SLC17A8: variants seen among roughly 807,000 people sequenced by gnomAD.
The protein encoded by SLC17A8 is vesicular glutamate transporter 3.
A neutral mutation model predicts 58.0 loss-of-function variants in SLC17A8; 31 were observed. The observed-to-expected ratio is 0.53, with a 90% CI of 0.40 to 0.72. The LOEUF is 0.72. Ranked by LOEUF, SLC17A8 falls within the 30% of genes least tolerant of loss-of-function variation. SLC17A8 has a pLI of 0.00. For synonymous variants in SLC17A8, 228 were observed against 249.0 expected, an observed-to-expected ratio of 0.92 and a Z score of 0.79; for missense variants, 655 against 727.8, an observed-to-expected ratio of 0.90 and a Z score of 1.15.
chr12:100,389,585 A>G (rs2135993617), intron 2 of SLC17A8, among the ~76,000 whole-genome samples: 1 of 151,476 alleles, frequency 6.6e-6, no homozygotes, highest in South Asian at 2.1e-4. Flanking sequence ...ATATATACAC[A>G]CACATTATAT....
intron 2 of SLC17A8, among the ~76,000 whole-genome samples, chr12:100,381,567 A>G (rs1461285405): frequency 8.7e-6 from 1 of 115,268 alleles, no homozygotes; most frequent in Non-Finnish European, 1.7e-5. Flanking sequence ...TAAGAAAGAG[A>G]CAGAGAGAGA....
intron 1 of SLC17A8, among the ~76,000 whole-genome samples, chr12:100,367,284 G>C (rs971924423): frequency 1.3e-5 from 2 of 151,982 alleles, no homozygotes; most frequent in Non-Finnish European, 2.9e-5. Flanking sequence ...TAACAATTAT[G>C]GAATTCTTAT....
At chr12:100,375,755 T>C (rs1952590591) in intron 1 of SLC17A8, among the ~76,000 whole-genome samples, 1 of 152,234 alleles carries the variant, frequency 6.6e-6, no homozygotes, top group Non-Finnish European at 1.5e-5. Context: ...CACTTATTAA[T>C]ATAAAGCACT....
chr12:100,393,226 AG>A, intron 3 of SLC17A8, 142 bp from the exon 4 acceptor site: 1 of 617,778 alleles, frequency 1.6e-6, no homozygotes, highest in African/African-American at 1.8e-5. Context: ...AGCCTCCCAA[AG>A]TGCTGGGATT....
intron 11 of SLC17A8, among the ~76,000 whole-genome samples, chr12:100,418,520 T>C (rs1210969583): frequency 2.0e-5 from 3 of 152,204 alleles, no homozygotes; most frequent in African/African-American, 7.2e-5. Flanking sequence ...TATAGCCTAT[T>C]TCCATCCATT....
intron 2 of SLC17A8, among the ~76,000 whole-genome samples, chr12:100,388,912 T>G (rs1952694799): frequency 6.6e-6 from 1 of 152,208 alleles, no homozygotes; most frequent in Non-Finnish European, 1.5e-5. Flanking sequence ...AGGACATGGC[T>G]GCTATCTTAG....
chr12:100,373,573 G>A (rs1008629848), intron 1 of SLC17A8, among the ~76,000 whole-genome samples: 3 of 139,308 alleles, frequency 2.2e-5, no homozygotes, highest in African/African-American at 8.2e-5. Flanking sequence ...ACACAAATCA[G>A]TGACTTTTTT....
At chr12:100,419,739 G>A (rs1257637546) in intron 11 of SLC17A8, 76 bp from the exon 12 acceptor site, 2 of 1,447,974 alleles carry the variant, frequency 1.4e-6, no homozygotes, top group Non-Finnish European at 1.9e-6. Context: ...CTTTTTCACA[G>A]TGGAGGCCTC....
intron 1 of SLC17A8, among the ~76,000 whole-genome samples, chr12:100,367,941 T>C (rs1952531816): frequency 6.6e-6 from 1 of 152,238 alleles, no homozygotes; most frequent in South Asian, 2.1e-4. Context: ...TACAGAATTA[T>C]ATTTTAAAAG....
At position 100,380,703 on chromosome 12, in the gene SLC17A8, A is replaced by G; in HGVS notation, c.104A>G (p.Lys35Arg). Reference sequence around the variant, plus strand: ...TGCCTATCCTTTTTCCCATGTAGAAAAATCGATGGGACAACTGAGGAAGAA... The same window carrying G: ...TGCCTATCCTTTTTCCCATGTAGAAGAATCGATGGGACAACTGAGGAAGAA... ...VGDSLGILQRKIDGTTEEEDN... is the reference protein window; with the variant it reads ...VGDSLGILQRRIDGTTEEEDN... The change falls in exon 2 of 12, where the codon AAA (lysine) becomes AGA (arginine). Residue 35 changes from lysine (K) to arginine (R), a missense_variant and splice_region_variant. Physicochemically the swap from Lys to Arg is conservative, Grantham distance 26. Coordinates refer to ENST00000323346, the MANE Select transcript of SLC17A8 (RefSeq NM_139319.3). The G allele has an allele frequency of 6.2e-7, 1 of 1,614,054 alleles. No individual in the cohort carries two copies. The highest frequency in any genetic ancestry group is 8.5e-7 in the Non-Finnish European group (1 of 1,180,018).
At chr12:100,417,186 G>A (rs1237960226) in intron 10 of SLC17A8, among the ~76,000 whole-genome samples, 9 of 152,194 alleles carry the variant, frequency 5.9e-5, no homozygotes, top group African/African-American at 1.7e-4. Flanking sequence ...GATTATAGGC[G>A]TGAGCAACCA....
Position 100,420,011 on chromosome 12 carries a change from G to C in SLC17A8, c.1622G>C (p.Ser541Thr). 6.2e-7 allele frequency: 1 copy of C among 1,613,956 alleles called. No individual in the cohort carries two copies. Reference protein sequence around the residue: ...EIELNHESFASPKKKMSYGAT... With the variant: ...EIELNHESFATPKKKMSYGAT... ...GAACTCAACCATGAGAGTTTTGCGA[G>C]TCCCAAAAAGAAGATGTCTTATGGA... is the stretch of plus-strand genomic sequence containing the variant. The change falls in exon 12 of 12, where the codon AGT (serine) becomes ACT (threonine). Residue 541 changes from serine (S) to threonine (T), a missense_variant. Physicochemically the swap from Ser to Thr is moderately conservative, Grantham distance 58 (BLOSUM62 1). Transcript: ENST00000323346.
At chr12:100,404,287 A>C in intron 9 of SLC17A8, 117 bp downstream of exon 9, 1 of 1,339,668 alleles carries the variant, frequency 7.5e-7, no homozygotes, top group Non-Finnish European at 1.1e-6. Flanking sequence ...AAAGACCTCT[A>C]AGTCTGTCCC....
At chr12:100,413,025 G>C (rs1200459913) in intron 10 of SLC17A8, 145 bp downstream of exon 10, 1 of 726,404 alleles carries the variant, frequency 1.4e-6, no homozygotes, top group Non-Finnish European at 2.5e-6. Flanking sequence ...ATGTGATCTA[G>C]TGGGGGTGAT....
intron 10 of SLC17A8, among the ~76,000 whole-genome samples, chr12:100,415,234 G>T (rs768185344): frequency 6.6e-5 from 10 of 151,952 alleles, no homozygotes; most frequent in Admixed American, 2.0e-4. Context: ...GGGAGGCCGA[G>T]GCAGATGGAT....
chr12:100,398,237 T>C (rs1378622916), intron 5 of SLC17A8, among the ~76,000 whole-genome samples: 1 of 152,162 alleles, frequency 6.6e-6, no homozygotes. Context: ...AGCTGAGATG[T>C]CTTTACATAT....
Position 100,366,151 on chromosome 12 carries a change from G to T in SLC17A8, c.101+8659G>T, listed in dbSNP as rs1259382114. Among the ~76,000 whole-genome samples the T allele has an allele frequency of 1.0e-4, 15 of 148,654 alleles. No individual in the cohort carries two copies. In the East Asian group the frequency reaches 1.2e-3, roughly 12 times the overall value. ...CTGCATCCTTTAAATCTCTGAAGGT[G>T]CAATAATCTCTGTCATTCTGCATAA... On this transcript the variant is annotated intron_variant, in intron 1 of 11. Transcript: ENST00000323346.
intron 5 of SLC17A8, among the ~76,000 whole-genome samples, chr12:100,397,805 C>CG (rs1426528277): frequency 6.6e-6 from 1 of 151,926 alleles, no homozygotes; most frequent in East Asian, 1.9e-4. Context: ...TAGCTGGGTG[C>CG]GGTGGCTCAT....
At chr12:100,411,759 G>A (rs1003341351) in intron 9 of SLC17A8, among the ~76,000 whole-genome samples, 2 of 151,088 alleles carry the variant, frequency 1.3e-5, no homozygotes, top group Non-Finnish European at 2.9e-5. Context: ...ATTTTTTATT[G>A]TGCTAGACTC....
Sources: allele counts gnomAD v4.1 joint callset (sites outside exome capture counted in the v4.1 genomes callset), GRCh38; gene constraint gnomAD v4.1.1; transcripts MANE v1.5; gene names NCBI Gene and HGNC (gene_info 2026-07-23, HGNC 2026-07-21).